Variants in NBPF3 observed in about 807,000 individuals in gnomAD.
The protein encoded by NBPF3 is NBPF family member NBPF3.
NBPF3 carries 57 observed loss-of-function variants against 78.1 expected under a neutral mutation model. The ratio of observed to expected loss-of-function variants is 0.73; its 90% CI spans 0.59 to 0.91. The LOEUF (loss-of-function observed/expected upper bound fraction) is 0.91, where lower values mean the gene tolerates loss of function less well. NBPF3 is among the 40% of genes least tolerant of loss of function. The probability of loss-of-function intolerance (pLI) is 0.00; values close to 1 mark genes in which losing one functional copy is unlikely to be tolerated. For missense variants in NBPF3, 510 were observed against 715.3 expected (o/e 0.71, Z 3.27); for synonymous variants, 182 against 271.7 (o/e 0.67, Z 3.25).
At chr1:21,475,744 A>G (rs1044190158) in intron 8 of NBPF3, among the ~76,000 whole-genome samples, 3 of 152,150 alleles carry the variant, frequency 2.0e-5, no homozygotes, top group African/African-American at 7.2e-5. Context: ...AAGAATGAAT[A>G]TTCTGTTGGT....
chr1:21,469,674 A>G (rs1001013043), intron 3 of NBPF3, among the ~76,000 whole-genome samples: 1 of 152,172 alleles, frequency 6.6e-6, no homozygotes. Flanking sequence ...GCAGTGAGCC[A>G]AGAACACGCC....
At chr1:21,458,661 C>T (rs1188891220) in intron 2 of NBPF3, among the ~76,000 whole-genome samples, 2 of 152,082 alleles carry the variant, frequency 1.3e-5, no homozygotes, top group African/African-American at 4.8e-5. Context: ...TGAAAGAAGG[C>T]AGACACAAAA....
chr1:21,480,610 A>G (rs1228596370), intron 11 of NBPF3, among the ~76,000 whole-genome samples: 2 of 152,308 alleles, frequency 1.3e-5, no homozygotes, highest in Admixed American at 1.3e-4. Flanking sequence ...TGAATACTGC[A>G]GTTTTCCTCC....
intron 9 of NBPF3, 136 bp from the exon 10 acceptor site, chr1:21,479,212 TG>T: frequency 1.0e-6 from 1 of 954,720 alleles, no homozygotes; most frequent in Non-Finnish European, 1.6e-6. Flanking sequence ...TCAGGCCTCC[TG>T]GTATATTTCT....
intron 1 of NBPF3, among the ~76,000 whole-genome samples, chr1:21,441,074 C>G (rs1165436103): frequency 1.3e-5 from 2 of 152,166 alleles, no homozygotes; most frequent in Non-Finnish European, 2.9e-5. Context: ...CCTTGCTTTC[C>G]TTCTGTCTTT....
chr1:21,466,600 T>TA (rs1232332674), intron 2 of NBPF3, among the ~76,000 whole-genome samples: 1 of 152,254 alleles, frequency 6.6e-6, no homozygotes, highest in Non-Finnish European at 1.5e-5. Context: ...CCCATACTGT[T>TA]AAAGCAAGGT....
chr1:21,457,544 G>C (rs1641698423), intron 2 of NBPF3, among the ~76,000 whole-genome samples: 1 of 152,068 alleles, frequency 6.6e-6, no homozygotes, highest in Non-Finnish European at 1.5e-5. Flanking sequence ...ATGCTCTACT[G>C]TTTAGTCATC....
chr1:21,464,622 G>A (rs1642150498), intron 2 of NBPF3, among the ~76,000 whole-genome samples: 1 of 151,642 alleles, frequency 6.6e-6, no homozygotes, highest in Non-Finnish European at 1.5e-5. Context: ...AAATTCTACT[G>A]TAGAAATAAT....
At chr1:21,468,946 C>G in intron 3 of NBPF3, 49 bp downstream of exon 3, 1 of 1,397,500 alleles carries the variant, frequency 7.2e-7, no homozygotes, top group Non-Finnish European at 1.0e-6. Context: ...GATGTCCTGT[C>G]TTCTCGCTGA....
intron 8 of NBPF3, among the ~76,000 whole-genome samples, chr1:21,475,284 T>TTAAC (rs1642833574): frequency 6.6e-6 from 1 of 152,228 alleles, no homozygotes; most frequent in Admixed American, 6.5e-5. Flanking sequence ...CTGATCTTAG[T>TTAAC]TATTTCTTGC....
intron 2 of NBPF3, chr1:21,459,917 C>A: frequency 6.0e-6 from 1 of 167,272 alleles, no homozygotes. Context: ...AAAAGCTTGA[C>A]CAGTCTTTGC....
chr1:21,463,797 T>C (rs1192005437), intron 2 of NBPF3, among the ~76,000 whole-genome samples: 4 of 152,116 alleles, frequency 2.6e-5, no homozygotes, highest in Non-Finnish European at 5.9e-5. Context: ...AAAAAAGCTG[T>C]GAGTAGAGGT....
chr1:21,449,162 G>A (rs1641158541), intron 2 of NBPF3, among the ~76,000 whole-genome samples: 1 of 152,112 alleles, frequency 6.6e-6, no homozygotes, highest in Admixed American at 6.5e-5. Flanking sequence ...TAAATATTTG[G>A]AAAGCAGACT....
Position 21,473,537 on chromosome 1 carries a change from G to T in NBPF3, c.892G>T (p.Asp298Tyr), listed in dbSNP as rs910122861. The T allele has an allele frequency of 1.2e-6, 2 of 1,614,056 alleles. No homozygotes were observed. Among genetic ancestry groups the T allele is most frequent in the Non-Finnish European group, 1.7e-6 (2 of 1,180,042 alleles). The change falls in exon 7 of 15, where the codon GAC (aspartate) becomes TAC (tyrosine). Residue 298 changes from aspartate to tyrosine, a missense_variant. Physicochemically the swap from Asp to Tyr is radical, Grantham distance 160. Transcript: ENST00000318249. ...AGACCAAGTCGACTCAACTCTCATT[G>T]ACTCATCCTCTCATGATGAATGGTT... ...EEDQVDSTLI[D>Y]SSSHDEWLDA...
intron 7 of NBPF3, among the ~76,000 whole-genome samples, 159 bp downstream of exon 7, chr1:21,473,744 T>C (rs1388268271): frequency 3.3e-5 from 5 of 152,236 alleles, no homozygotes; most frequent in Non-Finnish European, 7.3e-5. Flanking sequence ...GCTCATGTCA[T>C]GCCTTTGTCT....
In NBPF3 at chr1:21,473,549, CATG is replaced by C; in HGVS notation, c.909_911del (p.Asp303del). 1 of 1,614,220 alleles carries C rather than the reference CATG, an allele frequency of 6.2e-7. No individual in the cohort carries two copies. ...CTCAACTCTCATTGACTCATCCTCTCATGATGAATGGTTGGATGCTGTATGCAT... is the reference window on the plus strand; with the variant it reads ...CTCAACTCTCATTGACTCATCCTCTCATGAATGGTTGGATGCTGTATGCAT... On this transcript the variant is annotated inframe_deletion, in exon 7 of 15. Coordinates refer to ENST00000318249, the MANE Select transcript of NBPF3 (RefSeq NM_032264.6).
In NBPF3 at chr1:21,460,428, A is replaced by G. The variant is rs955330805; in HGVS notation, c.134-8260A>G. On this transcript the variant is annotated intron_variant, in intron 2 of 14. Coordinates refer to ENST00000318249, the MANE Select transcript of NBPF3 (RefSeq NM_032264.6). This position sits in a 1 kb window ranked among gnomAD's most constrained non-coding sequence, Gnocchi z 4.2. ...TGTGATGTTCCCCGCCCTGTGTCCA[A>G]GTGTTCTCATTGTTCAGTTCCCATC... Among the ~76,000 whole-genome samples the G allele has an allele frequency of 3.3e-5, 5 of 152,176 alleles. No individual in the cohort carries two copies. The highest frequency in any genetic ancestry group is 1.3e-4 in the Admixed American group (2 of 15,272).
chr1:21,447,777 C>T (rs987560308), intron 2 of NBPF3, among the ~76,000 whole-genome samples: 1 of 152,142 alleles, frequency 6.6e-6, no homozygotes, highest in Non-Finnish European at 1.5e-5. Flanking sequence ...TTTCCACTAG[C>T]GATGGAAAGT....
At chr1:21,437,409 C>A, upstream of NBPF3, 1 of 1,126,782 alleles carries the variant, frequency 8.9e-7, no homozygotes, top group Non-Finnish European at 1.2e-6. Context: ...TCCTGGCTCT[C>A]AAACGTAGGC....
Sources: allele counts gnomAD v4.1 joint callset (sites outside exome capture counted in the v4.1 genomes callset), GRCh38; gene constraint gnomAD v4.1.1; non-coding constraint Gnocchi (gnomAD v3.1); transcripts MANE v1.5; gene names NCBI Gene and HGNC (gene_info 2026-07-23, HGNC 2026-07-21).